ACBD5: variants seen among roughly 807,000 people sequenced by gnomAD.
ACBD5 encodes acyl-CoA-binding domain-containing protein 5.
ACBD5 carries 40 observed loss-of-function variants against 71.8 expected under a neutral mutation model. The ratio of observed to expected loss-of-function variants is 0.56; its 90% CI spans 0.43 to 0.72. The LOEUF is 0.72. ACBD5 is among the 30% of genes least tolerant of loss of function. The probability of loss-of-function intolerance (pLI) is 0.00; values close to 1 mark genes in which losing one functional copy is unlikely to be tolerated. For synonymous variants in ACBD5, 229 were observed against 218.6 expected, an observed-to-expected ratio of 1.05 and a Z score of -0.42; for missense variants, 559 against 644.5, an observed-to-expected ratio of 0.87 and a Z score of 1.44.
At chr10:27,226,590 T>TG (rs1432415746) in intron 4 of ACBD5, among the ~76,000 whole-genome samples, 2 of 151,684 alleles carry the variant, frequency 1.3e-5, no homozygotes, top group Non-Finnish European at 2.9e-5. Flanking sequence ...GGGCAGCATG[T>TG]GGCCCAAGAC....
intron 9 of ACBD5, among the ~76,000 whole-genome samples, chr10:27,210,160 T>C (rs934675161): frequency 6.6e-5 from 10 of 152,322 alleles, no homozygotes; most frequent in Non-Finnish European, 1.2e-4. Flanking sequence ...ATTACAAAAT[T>C]TTACATTTGC....
intron 5 of ACBD5, 37 bp downstream of exon 5, chr10:27,223,301 C>T: frequency 7.1e-7 from 1 of 1,402,552 alleles, no homozygotes; most frequent in Non-Finnish European, 1.0e-6. Flanking sequence ...CATAATATAT[C>T]AGTTGATGAA....
chr10:27,199,703 T>C (rs1015036238), intron 12 of ACBD5, among the ~76,000 whole-genome samples: 20 of 152,136 alleles, frequency 1.3e-4, no homozygotes, highest in Admixed American at 4.6e-4. Flanking sequence ...CCCAACAAGT[T>C]TGTATTTATT....
intron 4 of ACBD5, among the ~76,000 whole-genome samples, chr10:27,228,200 A>G (rs2063330000): frequency 6.6e-6 from 1 of 151,894 alleles, no homozygotes; most frequent in South Asian, 2.1e-4. Context: ...TAAATTCAAC[A>G]GACATAAGGC....
intron 7 of ACBD5, among the ~76,000 whole-genome samples, chr10:27,216,103 A>G (rs1247503606): frequency 6.6e-6 from 1 of 150,956 alleles, no homozygotes; most frequent in Non-Finnish European, 1.5e-5. Flanking sequence ...CAAACTCCTG[A>G]GCTCAGATGA....
intron 13 of ACBD5, chr10:27,186,261 T>G: frequency 9.5e-7 from 1 of 1,047,838 alleles, no homozygotes; most frequent in Non-Finnish European, 1.5e-6. Context: ...TCTGTGAAAC[T>G]GACATAATAA....
downstream of ACBD5, among the ~76,000 whole-genome samples, chr10:27,194,612 A>AAATGATAATAAT (rs1554822340): frequency 3.7e-5 from 5 of 135,592 alleles, no homozygotes; most frequent in Non-Finnish European, 6.2e-5. Flanking sequence ...ACTCCATCTC[A>AAATGATAATAAT]AATAATAATA....
chr10:27,194,726 A>G (rs1411889481), downstream of ACBD5, among the ~76,000 whole-genome samples: 1 of 149,412 alleles, frequency 6.7e-6, no homozygotes, highest in East Asian at 2.0e-4. Flanking sequence ...GGCTGGGTGC[A>G]GTGGCTCACG....
chr10:27,199,935 G>A (rs542159542), intron 12 of ACBD5, among the ~76,000 whole-genome samples: 40 of 151,874 alleles, frequency 2.6e-4, no homozygotes, highest in Admixed American at 1.4e-3. Context: ...CTTGCAGTAA[G>A]CCAAGATTAC....
At chr10:27,183,491 G>A (rs973736384) in intron 13 of ACBD5, among the ~76,000 whole-genome samples, 1 of 151,916 alleles carries the variant, frequency 6.6e-6, no homozygotes, top group African/African-American at 2.4e-5. Flanking sequence ...CACCATGTTG[G>A]CCAGGATGGT....
chr10:27,213,986 C>T (rs1047530921), intron 8 of ACBD5, among the ~76,000 whole-genome samples: 7 of 151,992 alleles, frequency 4.6e-5, no homozygotes, highest in Admixed American at 6.6e-5. Context: ...ACTATTCTAC[C>T]ATAAAAAAGA....
intron 4 of ACBD5, 146 bp downstream of exon 4, chr10:27,231,602 G>T (rs1165849646): frequency 5.5e-6 from 4 of 725,908 alleles, no homozygotes; most frequent in Non-Finnish European, 9.5e-6. Context: ...TAATGAAGCA[G>T]AAAAGTCCTA....
At chr10:27,225,836 T>TA (rs1402469261) in intron 4 of ACBD5, among the ~76,000 whole-genome samples, 1 of 152,020 alleles carries the variant, frequency 6.6e-6, no homozygotes, top group Non-Finnish European at 1.5e-5. Context: ...CAGAATCTAG[T>TA]AAGCCAATTG....
At chr10:27,238,276 C>G (rs1319396278) in intron 2 of ACBD5, among the ~76,000 whole-genome samples, 2 of 152,174 alleles carry the variant, frequency 1.3e-5, no homozygotes, top group African/African-American at 2.4e-5. Context: ...CGCACCCGGC[C>G]GATAGGGTAT....
At chr10:27,217,241 A>C (rs1441042317) in intron 7 of ACBD5, among the ~76,000 whole-genome samples, 1 of 151,040 alleles carries the variant, frequency 6.6e-6, no homozygotes, top group Non-Finnish European at 1.5e-5. Flanking sequence ...GGATCACTTA[A>C]GGTCAGGAGT....
At chr10:27,233,840 T>G (rs1343823985) in intron 3 of ACBD5, among the ~76,000 whole-genome samples, 1 of 151,672 alleles carries the variant, frequency 6.6e-6, no homozygotes, top group Non-Finnish European at 1.5e-5. Context: ...ATGTCGGGAG[T>G]TCAAGACCAG....
At chr10:27,228,271 C>CA (rs201431372) in intron 4 of ACBD5, among the ~76,000 whole-genome samples, 31,599 of 140,448 alleles carry the variant, frequency 0.22, 3,604 homozygotes, top group East Asian at 0.29. Flanking sequence ...TAAATTTGTA[C>CA]AAAAAAAAAA....
chr10:27,241,108 ACCTGG>A (rs2065450192), upstream of ACBD5, among the ~76,000 whole-genome samples: 1 of 152,200 alleles, frequency 6.6e-6, no homozygotes, highest in Admixed American at 6.5e-5. Flanking sequence ...TGGGTTCTGC[ACCTGG>A]GCCCAAAGCT....
intron 4 of ACBD5, among the ~76,000 whole-genome samples, chr10:27,224,249 C>G (rs986782450): frequency 6.6e-6 from 1 of 150,958 alleles, no homozygotes; most frequent in African/African-American, 2.4e-5. Context: ...TGGCGGTGCA[C>G]GCCTGTAGTC....
Sources: allele counts gnomAD v4.1 joint callset (sites outside exome capture counted in the v4.1 genomes callset), GRCh38; gene constraint gnomAD v4.1.1; transcripts MANE v1.5; gene names NCBI Gene and HGNC (gene_info 2026-07-23, HGNC 2026-07-21).